The following DRICH1 variants were observed in gnomAD, a reference collection of about 807,000 sequenced individuals.
The protein encoded by DRICH1 is aspartate-rich protein 1.
A neutral mutation model predicts 39.5 loss-of-function variants in DRICH1; 38 were observed. That is an observed-to-expected ratio of 0.96 (90% CI 0.74 to 1.26). The LOEUF (loss-of-function observed/expected upper bound fraction) is 1.26, where lower values mean the gene tolerates loss of function less well. Ranked by LOEUF, DRICH1 falls within the 50% of genes most tolerant of loss-of-function variation. DRICH1 has a pLI of 0.00. For synonymous variants in DRICH1, 84 were observed against 99.5 expected, an observed-to-expected ratio of 0.84 and a Z score of 0.93; for missense variants, 279 against 270.4, an observed-to-expected ratio of 1.03 and a Z score of -0.22.
chr22:23,601,191 A>G, the DRICH1 span, among the ~76,000 whole-genome samples: 1 of 151,494 alleles, frequency 6.6e-6, no homozygotes, highest in African/African-American at 2.4e-5. Flanking sequence ...GAAACAGCCC[A>G]ATTGTCATTC....
chr22:23,591,705 A>T, the DRICH1 span, among the ~76,000 whole-genome samples: 1 of 152,206 alleles, frequency 6.6e-6, no homozygotes, highest in Non-Finnish European at 1.5e-5. Flanking sequence ...GCTCAGGGAA[A>T]ATCACAGCTG....
Position 23,632,168 on chromosome 22 carries a change from C to T in DRICH1, c.-145G>A, listed in dbSNP as rs887832939. The T allele has an allele frequency of 7.6e-7, 1 of 1,321,988 alleles. No homozygotes were observed. Among genetic ancestry groups the T allele is most frequent in the Non-Finnish European group, 1.0e-6 (1 of 978,660 alleles). 81.9% of individuals were successfully genotyped at this position (1,321,988 alleles called of 1,614,324 possible). A position where few individuals can be genotyped will look rare whatever the true frequency, so the allele number is the denominator to read the frequency against. On this transcript the variant is annotated 5_prime_UTR_variant, in exon 1 of 12. Transcript: ENST00000317749. ...CAGATCTGGGTCCTCAGCCCTTATT[C>T]TGCCGCCACCTCCCAAACTAGCTGG...
chr22:23,601,734 T>C, the DRICH1 span, among the ~76,000 whole-genome samples: 2 of 152,206 alleles, frequency 1.3e-5, no homozygotes, highest in Non-Finnish European at 2.9e-5. Flanking sequence ...CTCTGTATGA[T>C]TCCTCACAAC....
chr22:23,614,169 T>C lies in DRICH1; in HGVS notation c.587A>G (p.Lys196Arg). 6.2e-7 allele frequency: 1 copy of C among 1,613,972 alleles called. No individual in the cohort carries two copies. Among genetic ancestry groups the C allele is most frequent in the Non-Finnish European group, 8.5e-7 (1 of 1,179,830 alleles). Reference protein sequence around the residue: ...SLFLRCSLRHKDEEEEDDDDI... With the variant: ...SLFLRCSLRHRDEEEEDDDDI... ...ATCATCATCTTCTTCTTCTTCATCT[T>C]TGTGTCTCAGTGAGCATCTTAAAAA... The change falls in exon 9 of 12, where the codon AAA becomes AGA. Residue 196 changes from lysine to arginine, a missense_variant. Coordinates refer to ENST00000317749, the MANE Select transcript of DRICH1 (RefSeq NM_016449.4).
At chr22:23,587,857 T>C in the DRICH1 span, among the ~76,000 whole-genome samples, 8 of 152,158 alleles carry the variant, frequency 5.3e-5, no homozygotes, top group Admixed American at 1.3e-4. Flanking sequence ...CCCACCTTAA[T>C]TGCGTCTGCA....
intron 7 of DRICH1, 76 bp downstream of exon 7, chr22:23,617,499 G>A (rs749049815): frequency 4.0e-6 from 6 of 1,514,160 alleles, no homozygotes; most frequent in Non-Finnish European, 4.6e-6. Flanking sequence ...TCCATTCTTT[G>A]GGATTGGATT....
the DRICH1 span, among the ~76,000 whole-genome samples, chr22:23,593,037 A>G: frequency 2.0e-5 from 3 of 152,116 alleles, no homozygotes; most frequent in African/African-American, 7.2e-5. Flanking sequence ...CCTCAAAAAA[A>G]AGAAAAAAAA....
chr22:23,584,345 C>G, the DRICH1 span, among the ~76,000 whole-genome samples: 18,306 of 152,174 alleles, frequency 0.12, 1,317 homozygotes, highest in South Asian at 0.19. Context: ...CTGCCCTGCT[C>G]CCGTGTTTGT....
Position 23,617,487 on chromosome 22 carries a change from A to G in DRICH1, c.519+88T>C, listed in dbSNP as rs1312953339. On this transcript the variant is annotated intron_variant, in intron 7 of 11. Transcript: ENST00000317749. ...ACTTTTACTGTTTTTCAGCTGCCTG[A>G]GTCCATTCTTTGGGATTGGATTGGT... 13 of 1,451,788 alleles carry G rather than the reference A, an allele frequency of 9.0e-6. 1 individual carries two copies. Among genetic ancestry groups the G allele is most frequent in the East Asian group, 4.5e-5 (2 of 44,082 alleles). 89.9% of individuals were successfully genotyped at this position (1,451,788 alleles called of 1,614,324 possible).
downstream of DRICH1, among the ~76,000 whole-genome samples, chr22:23,605,794 G>A (rs143822219): frequency 7.2e-5 from 11 of 152,154 alleles, no homozygotes; most frequent in South Asian, 6.2e-4. Context: ...AAATTAGGCC[G>A]GGCACAGGTT....
chr22:23,592,154 C>G, the DRICH1 span, among the ~76,000 whole-genome samples: 3 of 152,180 alleles, frequency 2.0e-5, no homozygotes, highest in Non-Finnish European at 4.4e-5. Flanking sequence ...TCAGGAAGGG[C>G]CTGCAGGCTG....
chr22:23,611,867 C>T lies in DRICH1; in HGVS notation c.685+1422G>A, dbSNP rs563327991. Among the ~76,000 whole-genome samples the T allele has an allele frequency of 3.1e-4, 47 of 152,230 alleles. No homozygotes were observed. In the South Asian group the frequency reaches 9.1e-3, roughly 30 times the overall value. ...GCTGCGTCATTACAGTAAAACAACA[C>T]TTCTTTTTGGAGAACATTTTAAGTA... On this transcript the variant is annotated intron_variant, in intron 11 of 11. Transcript: ENST00000317749.
chr22:23,630,941 A>G (rs1928351202), intron 1 of DRICH1: 1 of 152,210 alleles, frequency 6.6e-6, no homozygotes. Context: ...GGTGTTAGAC[A>G]GGGAATGATA....
chr22:23,629,040 T>TTTTG (rs35581199), intron 1 of DRICH1, among the ~76,000 whole-genome samples: 38,426 of 151,564 alleles, frequency 0.25, 4,922 homozygotes, highest in East Asian at 0.33. Flanking sequence ...TAATTTTTTG[T>TTTTG]TTTGTTTGTT....
At chr22:23,599,026 G>A in the DRICH1 span, among the ~76,000 whole-genome samples, 5 of 152,200 alleles carry the variant, frequency 3.3e-5, no homozygotes, top group Non-Finnish European at 7.3e-5. Flanking sequence ...CCAAGATCCT[G>A]ACCATGGGCC....
At chr22:23,608,894 G>A (rs547746639) in intron 11 of DRICH1, 126 bp from the exon 12 acceptor site, 3 of 1,045,702 alleles carry the variant, frequency 2.9e-6, no homozygotes, top group African/African-American at 1.6e-5. Flanking sequence ...CCAGGCTGAG[G>A]AGAAATTACA....
the DRICH1 span, among the ~76,000 whole-genome samples, chr22:23,589,125 CA>C: frequency 1.6e-4 from 23 of 146,998 alleles, no homozygotes; most frequent in Non-Finnish European, 2.8e-4. Flanking sequence ...CACACACACA[CA>C]CCCCTTTGAT....
At chr22:23,599,884 C>A in the DRICH1 span, among the ~76,000 whole-genome samples, 1,666 of 152,296 alleles carry the variant, frequency 0.011, 25 homozygotes, top group African/African-American at 0.032. Context: ...AGTGCCACAG[C>A]CCCCTTCTCC....
chr22:23,606,291 C>G (rs965256197), downstream of DRICH1, among the ~76,000 whole-genome samples: 4 of 152,112 alleles, frequency 2.6e-5, no homozygotes, highest in Non-Finnish European at 1.5e-5. Context: ...CTGACCACTT[C>G]CCTCCCAGGC....
Sources: allele counts gnomAD v4.1 joint callset (sites outside exome capture counted in the v4.1 genomes callset), GRCh38; gene constraint gnomAD v4.1.1; transcripts MANE v1.5; gene names NCBI Gene and HGNC (gene_info 2026-07-23, HGNC 2026-07-21).